Variants in STIMATE observed in about 807,000 individuals in gnomAD.
STIMATE encodes the protein STIM activating enhancer.
STIMATE carries 15 observed loss-of-function variants against 36.7 expected under a neutral mutation model. The ratio of observed to expected loss-of-function variants is 0.41; its 90% CI spans 0.27 to 0.63. STIMATE has a LOEUF of 0.63. Ranked by LOEUF, STIMATE falls within the 20% of genes least tolerant of loss-of-function variation. STIMATE has a pLI of 0.32. For missense variants in STIMATE, 305 were observed against 397.3 expected (o/e 0.77, Z 1.98); for synonymous variants, 163 against 162.3 (o/e 1.00, Z -0.03).
chr3:52,861,108 A>G (rs1350474049), intron 1 of STIMATE, among the ~76,000 whole-genome samples: 5 of 152,160 alleles, frequency 3.3e-5, no homozygotes, highest in Non-Finnish European at 7.3e-5. Context: ...CACCCTTTCT[A>G]ACACATCCTC....
At chr3:52,865,007 C>CGT (rs560072761) in intron 1 of STIMATE, among the ~76,000 whole-genome samples, 136 of 151,432 alleles carry the variant, frequency 9.0e-4, no homozygotes, top group Non-Finnish European at 1.5e-3. Flanking sequence ...AGTGTAGTGG[C>CGT]GTGATCTCGG....
intron 1 of STIMATE, among the ~76,000 whole-genome samples, chr3:52,860,478 G>A (rs564919520): frequency 3.0e-4 from 45 of 151,322 alleles, no homozygotes; most frequent in Middle Eastern, 3.4e-3. Context: ...CAGGGCGTGC[G>A]GGAGAGGCAG....
At chr3:52,855,265 C>T in intron 2 of STIMATE, 131 bp downstream of exon 2, 1 of 1,156,798 alleles carries the variant, frequency 8.6e-7, no homozygotes, top group Non-Finnish European at 1.2e-6. Flanking sequence ...AGGGATTCCA[C>T]ATACATTATA....
chr3:52,842,368 G>A (rs919851062), intron 7 of STIMATE, among the ~76,000 whole-genome samples: 2 of 152,206 alleles, frequency 1.3e-5, no homozygotes, highest in African/African-American at 2.4e-5. Context: ...CTCCTGCAAG[G>A]TCTGGCTACC....
chr3:52,880,254 G>A (rs1318722303), intron 1 of STIMATE, among the ~76,000 whole-genome samples: 2 of 152,166 alleles, frequency 1.3e-5, no homozygotes, highest in African/African-American at 2.4e-5. Flanking sequence ...TCCTTCTGAC[G>A]TGCTCTTCAC....
chr3:52,875,750 C>T (rs989364798), intron 1 of STIMATE, among the ~76,000 whole-genome samples: 1 of 152,236 alleles, frequency 6.6e-6, no homozygotes, highest in Non-Finnish European at 1.5e-5. Context: ...GATAAACCCC[C>T]AGTGCAGTAG....
In STIMATE at chr3:52,882,846, T is replaced by C. The variant is rs189564336; in HGVS notation, c.160+14445A>G. 4.0e-4 allele frequency among the ~76,000 whole-genome samples: 61 copies of C among 151,934 alleles called. 1 individual carries two copies. Among genetic ancestry groups the C allele is most frequent in the South Asian group, 1.3e-3 (6 of 4,794 alleles). ...GGGCTTAGGACCTGGCAATTAAGAGTCGGCCACAGCAGTGCATGGGAGGAT... is the reference window on the plus strand; with the variant it reads ...GGGCTTAGGACCTGGCAATTAAGAGCCGGCCACAGCAGTGCATGGGAGGAT... On this transcript the variant is annotated intron_variant, in intron 1 of 7. Coordinates refer to ENST00000355083, the MANE Select transcript of STIMATE (RefSeq NM_198563.5).
chr3:52,855,897 C>G (rs940451538), intron 1 of STIMATE, among the ~76,000 whole-genome samples: 1 of 152,184 alleles, frequency 6.6e-6, no homozygotes, highest in South Asian at 2.1e-4. Flanking sequence ...GGGCTAGACA[C>G]GTACATATCA....
chr3:52,873,323 C>T (rs1701440525), intron 1 of STIMATE, among the ~76,000 whole-genome samples: 1 of 152,200 alleles, frequency 6.6e-6, no homozygotes, highest in Admixed American at 6.5e-5. Flanking sequence ...TGCTGATAAA[C>T]ACATATGCAA....
chr3:52,880,394 T>C (rs78769154), intron 1 of STIMATE, among the ~76,000 whole-genome samples: 4,505 of 152,148 alleles, frequency 0.03, 220 homozygotes, highest in African/African-American at 0.1. Context: ...AAACAACAAA[T>C]ATGTACAATT....
chr3:52,863,985 G>A (rs57680248), intron 1 of STIMATE, among the ~76,000 whole-genome samples: 39 of 152,300 alleles, frequency 2.6e-4, no homozygotes, highest in Admixed American at 7.8e-4. Flanking sequence ...GCTTTGATGC[G>A]CTGGCGTTGA....
At chr3:52,858,779 G>A (rs919398621) in intron 1 of STIMATE, among the ~76,000 whole-genome samples, 2 of 152,054 alleles carry the variant, frequency 1.3e-5, no homozygotes, top group East Asian at 3.9e-4. Flanking sequence ...CAATACTGTC[G>A]TAACTGAAAC....
intron 1 of STIMATE, among the ~76,000 whole-genome samples, chr3:52,881,579 T>C (rs1300234272): frequency 1.3e-5 from 2 of 151,768 alleles, no homozygotes; most frequent in Non-Finnish European, 2.9e-5. Context: ...GGTGGGTGCC[T>C]GTATCCCAGC....
rs779031888 is a variant in STIMATE at position 52,897,398 on chromosome 3, G to C, written c.53C>G (p.Ser18Cys). 29 of 1,493,198 alleles carry C rather than the reference G, an allele frequency of 1.9e-5. No homozygotes were observed. In the Admixed American group the frequency reaches 2.4e-4, roughly 12 times the overall value. The allele number at this position is 1,493,198 out of a possible 1,614,324, so 92.5% of individuals were successfully genotyped here. The change falls in exon 1 of 8, where the codon TCC (serine) becomes TGC (cysteine). Residue 18 changes from serine to cysteine, a missense_variant. Ser to Cys is a moderately radical substitution (Grantham distance 112, BLOSUM62 -1). This residue lies in a region of STIMATE where 57 missense variants were observed against 57.1 expected (regional missense o/e 1.00). Transcript: ENST00000355083. The part of the protein sequence containing the change: ...ASRGLPGGPP[S>C]TVASGAGRCE... The stretch of plus-strand genomic sequence containing the variant: ...GCGGCCCGCCCCGGACGCGACTGTG[G>C]AGGGCGGCCCGCCTGGCAGTCCCCG...
intron 1 of STIMATE, among the ~76,000 whole-genome samples, chr3:52,870,686 T>G (rs1422644920): frequency 6.6e-6 from 1 of 152,072 alleles, no homozygotes; most frequent in Non-Finnish European, 1.5e-5. Context: ...TGGCAGGTGC[T>G]CCTCAGGCTG....
chr3:52,891,885 A>G (rs1415942802), intron 1 of STIMATE, among the ~76,000 whole-genome samples: 2 of 152,242 alleles, frequency 1.3e-5, no homozygotes, highest in African/African-American at 4.8e-5. Flanking sequence ...TGTGCCTGAC[A>G]CCAACCCAGC....
At chr3:52,874,237 G>A (rs1479328986) in intron 1 of STIMATE, among the ~76,000 whole-genome samples, 1 of 152,156 alleles carries the variant, frequency 6.6e-6, no homozygotes, top group Non-Finnish European at 1.5e-5. Flanking sequence ...CTTACAATGC[G>A]TGAGTTTTAT....
In STIMATE at chr3:52,838,425, G is replaced by T. The variant is rs1029160309; in HGVS notation, c.*2069C>A. On this transcript the variant is annotated 3_prime_UTR_variant, in exon 8 of 8. Transcript: ENST00000355083. ...GTTCAAACCAAAATGAAACAGGAGG[G>T]GAGGAATTAGAACTGAGTCAGTGAT... The T allele has an allele frequency of 6.6e-6, 1 of 152,228 alleles. No individual in the cohort carries two copies. The highest frequency in any genetic ancestry group is 2.4e-5 in the African/African-American group (1 of 41,440). The allele number at this position is 152,228 out of a possible 1,614,324, so 9.4% of individuals were successfully genotyped here.
At chr3:52,885,429 A>G (rs1701673881) in intron 1 of STIMATE, among the ~76,000 whole-genome samples, 3 of 152,332 alleles carry the variant, frequency 2.0e-5, no homozygotes, top group South Asian at 2.1e-4. Context: ...CTCTAGAGCT[A>G]GTTGAAACCT....
Sources: gnomAD v4.1 joint callset for allele counts (sites outside exome capture counted in the v4.1 genomes callset) on GRCh38, gnomAD v4.1.1 for gene constraint, gnomAD v4.1.1 regional missense constraint, MANE v1.5 for transcripts, NCBI Gene and HGNC (gene_info 2026-07-23, HGNC 2026-07-21) for gene names.